Variants in HPSE2 observed in about 807,000 individuals in gnomAD.
HPSE2 encodes the protein inactive heparanase-2.
A neutral mutation model predicts 60.5 loss-of-function variants in HPSE2; 38 were observed. That is an observed-to-expected ratio of 0.63 (90% CI 0.48 to 0.82). HPSE2 has a LOEUF of 0.82. Among genes scored for constraint, HPSE2 ranks in the 40% least tolerant of loss-of-function variants. The pLI is 0.00. For synonymous variants in HPSE2, 295 were observed against 293.2 expected (o/e 1.01, Z -0.06); for missense variants, 713 against 740.4 (o/e 0.96, Z 0.43).
intron 2 of HPSE2, among the ~76,000 whole-genome samples, chr10:99,176,478 C>T (rs1431213773): frequency 6.6e-6 from 1 of 151,712 alleles, no homozygotes; most frequent in East Asian, 1.9e-4. Flanking sequence ...TGAAGCATAC[C>T]CAACTATCAA....
chr10:98,849,913 T>A (rs941682011), intron 3 of HPSE2, among the ~76,000 whole-genome samples: 8 of 152,036 alleles, frequency 5.3e-5, no homozygotes, highest in African/African-American at 1.9e-4. Flanking sequence ...CCCGGCTAAT[T>A]TTGTATTTTT....
At chr10:99,115,418 T>C (rs1255293531) in intron 3 of HPSE2, among the ~76,000 whole-genome samples, 2 of 152,056 alleles carry the variant, frequency 1.3e-5, no homozygotes, top group Non-Finnish European at 2.9e-5. Context: ...CCTCCCAAAG[T>C]GCTGGGATTA....
chr10:98,493,583 A>G (rs1201321271), intron 9 of HPSE2, among the ~76,000 whole-genome samples: 1 of 151,996 alleles, frequency 6.6e-6, no homozygotes, highest in Non-Finnish European at 1.5e-5. Flanking sequence ...TTTAAAATCT[A>G]TTTTGTCTGA....
intron 4 of HPSE2, among the ~76,000 whole-genome samples, chr10:98,726,984 G>A (rs1949101283): frequency 6.6e-6 from 1 of 152,092 alleles, no homozygotes; most frequent in African/African-American, 2.4e-5. Flanking sequence ...ACTGGCTCAC[G>A]GGAATTAAGC....
intron 3 of HPSE2, among the ~76,000 whole-genome samples, chr10:98,856,724 C>G (rs61274355): frequency 6.6e-6 from 1 of 151,960 alleles, no homozygotes; most frequent in East Asian, 1.9e-4. Context: ...ATGTGATGTA[C>G]GTTTTATCAC....
chr10:98,472,554 C>T (rs1940821515), intron 11 of HPSE2, among the ~76,000 whole-genome samples: 1 of 152,140 alleles, frequency 6.6e-6, no homozygotes, highest in South Asian at 2.1e-4. Flanking sequence ...ACATCTGAAG[C>T]CCTGCAGGGG....
At chr10:98,509,150 C>T (rs1179257462) in intron 9 of HPSE2, among the ~76,000 whole-genome samples, 1 of 151,956 alleles carries the variant, frequency 6.6e-6, no homozygotes, top group East Asian at 1.9e-4. Flanking sequence ...ACTGTCTCTA[C>T]TAAAAATACA....
intron 3 of HPSE2, among the ~76,000 whole-genome samples, chr10:99,132,760 G>A (rs995334100): frequency 3.3e-5 from 5 of 152,252 alleles, no homozygotes; most frequent in African/African-American, 7.2e-5. Context: ...GATTCCCTCC[G>A]GTCCCTACCC....
intron 3 of HPSE2, among the ~76,000 whole-genome samples, chr10:99,143,498 C>A (rs994210087): frequency 1.3e-5 from 2 of 152,124 alleles, no homozygotes; most frequent in African/African-American, 4.8e-5. Flanking sequence ...TTATTTGGAT[C>A]ACTATAACGT....
chr10:99,016,873 T>A (rs887135130), intron 3 of HPSE2, among the ~76,000 whole-genome samples: 6 of 152,216 alleles, frequency 3.9e-5, no homozygotes, highest in African/African-American at 7.2e-5. Context: ...TTTTTGCATA[T>A]TTATTTTGTA....
At chr10:99,115,738 TG>T (rs1844663798) in intron 3 of HPSE2, among the ~76,000 whole-genome samples, 1 of 152,188 alleles carries the variant, frequency 6.6e-6, no homozygotes, top group Non-Finnish European at 1.5e-5. Flanking sequence ...TTGAATCTAA[TG>T]AAAAATTGAG....
At chr10:98,482,323 C>T (rs939288467) in intron 11 of HPSE2, among the ~76,000 whole-genome samples, 5 of 152,158 alleles carry the variant, frequency 3.3e-5, no homozygotes, top group Non-Finnish European at 7.4e-5. Flanking sequence ...TGAGCAGCGG[C>T]CAAGGATGCT....
At chr10:99,177,880 T>C (rs551781218) in intron 2 of HPSE2, among the ~76,000 whole-genome samples, 2 of 152,122 alleles carry the variant, frequency 1.3e-5, no homozygotes, top group East Asian at 3.9e-4. Flanking sequence ...AGTAAAACAT[T>C]CCTCAGCAGA....
At chr10:99,207,851 A>G (rs1848812377) in intron 2 of HPSE2, among the ~76,000 whole-genome samples, 1 of 151,938 alleles carries the variant, frequency 6.6e-6, no homozygotes, top group South Asian at 2.1e-4. Context: ...TCCCCAGTAG[A>G]TGCCTGAAAC....
intron 9 of HPSE2, among the ~76,000 whole-genome samples, chr10:98,512,737 C>T (rs1398147005): frequency 6.6e-6 from 1 of 151,554 alleles, no homozygotes; most frequent in African/African-American, 2.4e-5. Flanking sequence ...TCCCACCCTT[C>T]AAGGATAGGG....
intron 5 of HPSE2, among the ~76,000 whole-genome samples, chr10:98,694,848 G>GT (rs1403373338): frequency 6.6e-6 from 1 of 152,226 alleles, no homozygotes; most frequent in African/African-American, 2.4e-5. Flanking sequence ...ACCAAAAGGA[G>GT]TATCTCAGCT....
At chr10:98,479,726 A>T (rs1941161670) in intron 11 of HPSE2, among the ~76,000 whole-genome samples, 1 of 152,234 alleles carries the variant, frequency 6.6e-6, no homozygotes, top group Non-Finnish European at 1.5e-5. Context: ...TGGCAGGATC[A>T]GGGGCTGGAA....
rs1955455029 is a variant in HPSE2, at chr10:98,954,553, T to C, written c.610+189685A>G. On this transcript the variant is annotated intron_variant, in intron 3 of 11. Coordinates refer to ENST00000370552, the MANE Select transcript of HPSE2 (RefSeq NM_021828.5). Reference sequence around the variant, plus strand: ...ACTTTCAAAGTACTCTAAATCAGCATTTCTTATATCACCAGTGGTTGCCTC... The same window carrying C: ...ACTTTCAAAGTACTCTAAATCAGCACTTCTTATATCACCAGTGGTTGCCTC... Among the ~76,000 whole-genome samples, 3 of 152,174 alleles carry C rather than the reference T, an allele frequency of 2.0e-5. No homozygotes were observed. The South Asian group carries it at 6.2e-4, about 32-fold the overall frequency.
intron 3 of HPSE2, among the ~76,000 whole-genome samples, chr10:99,137,595 C>G (rs952105954): frequency 5.3e-5 from 8 of 152,196 alleles, no homozygotes; most frequent in African/African-American, 1.9e-4. Flanking sequence ...CACCACACAT[C>G]TACAACCATC....
Sources: gnomAD v4.1 joint callset for allele counts (sites outside exome capture counted in the v4.1 genomes callset) on GRCh38, gnomAD v4.1.1 for gene constraint, MANE v1.5 for transcripts, NCBI Gene and HGNC (gene_info 2026-07-23, HGNC 2026-07-21) for gene names.